The following ARHGEF10L variants were observed in gnomAD, a reference collection of about 807,000 sequenced individuals.
The protein encoded by ARHGEF10L is Rho guanine nucleotide exchange factor 10 like.
In ARHGEF10L, 69 loss-of-function variants were observed where a neutral mutation model predicts 141.2. That is an observed-to-expected ratio of 0.49 (90% CI 0.40 to 0.60). The LOEUF is 0.60. ARHGEF10L is among the 20% of genes least tolerant of loss of function. ARHGEF10L has a pLI of 0.00. For missense variants in ARHGEF10L, 1,482 were observed against 1,734.3 expected, an observed-to-expected ratio of 0.85 and a Z score of 2.58; for synonymous variants, 711 against 718.5, an observed-to-expected ratio of 0.99 and a Z score of 0.17.
chr1:17,528,783 T>C, the ARHGEF10L span, among the ~76,000 whole-genome samples: 24 of 152,186 alleles, frequency 1.6e-4, no homozygotes, highest in Admixed American at 1.6e-3. Context: ...ACAAGCACTA[T>C]AGTACTTGGT....
At chr1:17,514,271 G>A in the ARHGEF10L span, among the ~76,000 whole-genome samples, 2 of 150,304 alleles carry the variant, frequency 1.3e-5, no homozygotes, top group South Asian at 4.2e-4. Context: ...GAGTAGCTGA[G>A]ATTACAGGCG....
chr1:17,640,695 A>G (rs1263857209), intron 21 of ARHGEF10L, among the ~76,000 whole-genome samples: 2 of 152,210 alleles, frequency 1.3e-5, no homozygotes, highest in East Asian at 3.9e-4. Context: ...TACACCAAAA[A>G]TCAGTGGCGT....
At chr1:17,535,358 C>G (rs2076560030), upstream of ARHGEF10L, among the ~76,000 whole-genome samples, 1 of 152,228 alleles carries the variant, frequency 6.6e-6, no homozygotes, top group African/African-American at 2.4e-5. Context: ...TTACCTGCCA[C>G]TCCCCTCCTG....
In ARHGEF10L at chr1:17,627,514, C is replaced by T. The variant is rs748877694; in HGVS notation, c.1584+11C>T. ...AGCAGCCTCAACAAGGTGAGCTGGG[C>T]CTCCCACCTGCCTGCCCTCACCTGC... On this transcript the variant is annotated intron_variant, in intron 15 of 28. Coordinates refer to ENST00000361221, the MANE Select transcript of ARHGEF10L (RefSeq NM_018125.4). The surrounding 1 kb of genome is among the most constrained non-coding windows in gnomAD (Gnocchi z 4.0). 6.2e-7 allele frequency: 1 copy of T among 1,610,104 alleles called. No individual in the cohort carries two copies. Among genetic ancestry groups the T allele is most frequent in the Non-Finnish European group, 8.5e-7 (1 of 1,179,026 alleles).
chr1:17,540,460 TGCCGGGTCAGCCGGAG>T (rs1383361092), intron 1 of ARHGEF10L, among the ~76,000 whole-genome samples: 1 of 151,820 alleles, frequency 6.6e-6, no homozygotes, highest in African/African-American at 2.4e-5. Context: ...GAGGAGAGGA[TGCCGGGTCAGCCGGAG>T]GCCGTGGCTG....
intron 25 of ARHGEF10L, among the ~76,000 whole-genome samples, chr1:17,660,894 G>A (rs1014070094): frequency 1.3e-5 from 2 of 152,206 alleles, no homozygotes; most frequent in Non-Finnish European, 2.9e-5. Flanking sequence ...TCAGGCAGGG[G>A]CGGCTCTCAC....
intron 17 of ARHGEF10L, 48 bp from the exon 18 acceptor site, chr1:17,634,787 C>A: frequency 6.4e-7 from 1 of 1,551,608 alleles, no homozygotes; most frequent in Non-Finnish European, 8.7e-7. Flanking sequence ...AGCCCTGGGG[C>A]AGGGTGGCTG....
At chr1:17,582,615 G>C (rs551232537) in intron 2 of ARHGEF10L, among the ~76,000 whole-genome samples, 1 of 152,200 alleles carries the variant, frequency 6.6e-6, no homozygotes, top group African/African-American at 2.4e-5. Context: ...TGGAATCCAC[G>C]CTTTAGTTGG....
chr1:17,575,030 G>A (rs892764122), intron 1 of ARHGEF10L, among the ~76,000 whole-genome samples: 14 of 152,212 alleles, frequency 9.2e-5, no homozygotes, highest in Non-Finnish European at 1.8e-4. Context: ...TGGGTTCCTG[G>A]TCTGTGCCCT....
intron 18 of ARHGEF10L, among the ~76,000 whole-genome samples, chr1:17,635,501 G>C (rs2060945896): frequency 6.6e-6 from 1 of 152,104 alleles, no homozygotes; most frequent in Non-Finnish European, 1.5e-5. Flanking sequence ...CAGCCCCTCT[G>C]GGCTCCTGGA....
chr1:17,660,127 C>G (rs865855728), intron 25 of ARHGEF10L, among the ~76,000 whole-genome samples: 11 of 152,354 alleles, frequency 7.2e-5, no homozygotes, highest in African/African-American at 1.4e-4. Flanking sequence ...GGAGCTGAGA[C>G]AGCCGGCCAC....
chr1:17,605,816 A>ACC (rs1232024794), intron 6 of ARHGEF10L, among the ~76,000 whole-genome samples: 1 of 152,194 alleles, frequency 6.6e-6, no homozygotes, highest in Non-Finnish European at 1.5e-5. Context: ...CTCTTTGGCC[A>ACC]CTAGTTCAGG....
At chr1:17,677,578 A>G (rs2063802500) in intron 26 of ARHGEF10L, among the ~76,000 whole-genome samples, 1 of 152,102 alleles carries the variant, frequency 6.6e-6, no homozygotes, top group South Asian at 2.1e-4. Flanking sequence ...CCTCTCTGAT[A>G]TGGGCATGGT....
chr1:17,549,508 G>A (rs78927020), intron 1 of ARHGEF10L, among the ~76,000 whole-genome samples: 5,925 of 152,208 alleles, frequency 0.039, 398 homozygotes, highest in African/African-American at 0.13. Flanking sequence ...AGGTGGTCAG[G>A]GAGGCCTCTC....
At chr1:17,655,281 T>A (rs1309658313) in intron 23 of ARHGEF10L, among the ~76,000 whole-genome samples, 2 of 151,880 alleles carry the variant, frequency 1.3e-5, no homozygotes, top group African/African-American at 4.8e-5. Context: ...CACCCACCTA[T>A]CCATCTATCC....
chr1:17,547,464 A>G lies in ARHGEF10L; in HGVS notation c.-44+7514A>G, dbSNP rs149541545. Reference sequence around the variant, plus strand: ...TGGTTCTAGTCGCTGGCTGATTGGTATGCATCCCAGAATCCCGGCCATTAG... The same window carrying G: ...TGGTTCTAGTCGCTGGCTGATTGGTGTGCATCCCAGAATCCCGGCCATTAG... On this transcript the variant is annotated intron_variant, in intron 1 of 28. Transcript: ENST00000361221. Among the ~76,000 whole-genome samples the G allele has an allele frequency of 3.9e-3, 594 of 152,320 alleles. 5 individuals carry two copies. The highest frequency in any genetic ancestry group is 0.014 in the African/African-American group (567 of 41,568).
intron 25 of ARHGEF10L, 61 bp from the exon 26 acceptor site, chr1:17,664,386 G>T: frequency 6.4e-7 from 1 of 1,560,488 alleles, no homozygotes; most frequent in Non-Finnish European, 8.6e-7. Flanking sequence ...GCTGGCCTGC[G>T]TTCCCAGGAG....
At chr1:17,602,081 G>C in intron 4 of ARHGEF10L, 46 bp from the exon 5 acceptor site, 1 of 1,468,562 alleles carries the variant, frequency 6.8e-7, no homozygotes, top group Non-Finnish European at 9.1e-7. Flanking sequence ...AGAGGCTTCT[G>C]GGAGCCACCT....
intron 14 of ARHGEF10L, among the ~76,000 whole-genome samples, chr1:17,626,265 G>A (rs2060381241): frequency 6.6e-6 from 1 of 152,178 alleles, no homozygotes; most frequent in Admixed American, 6.5e-5. Context: ...GGGACGCTGA[G>A]GGACTGCTGG....
Sources: gnomAD v4.1 joint callset for allele counts (sites outside exome capture counted in the v4.1 genomes callset) on GRCh38, gnomAD v4.1.1 for gene constraint, Gnocchi (gnomAD v3.1) non-coding constraint, MANE v1.5 for transcripts, NCBI Gene and HGNC (gene_info 2026-07-23, HGNC 2026-07-21) for gene names.